Variants in CPQ observed in about 807,000 individuals in gnomAD.
CPQ encodes the protein Ser-Met dipeptidase.
Under a neutral mutation model 45.7 loss-of-function variants are expected in CPQ, and 37 were observed. The observed-to-expected ratio is 0.81, with a 90% CI of 0.62 to 1.07. The LOEUF is 1.07. Ranked by LOEUF, CPQ falls within the 50% of genes least tolerant of loss-of-function variation. CPQ has a pLI of 0.00. For synonymous variants in CPQ, 186 were observed against 205.8 expected, an observed-to-expected ratio of 0.90 and a Z score of 0.82; for missense variants, 537 against 572.9, an observed-to-expected ratio of 0.94 and a Z score of 0.64.
At chr8:97,106,392 C>G (rs1397386589) in intron 7 of CPQ, among the ~76,000 whole-genome samples, 1 of 152,212 alleles carries the variant, frequency 6.6e-6, no homozygotes, top group Non-Finnish European at 1.5e-5. Context: ...ACTTTGATCA[C>G]ACATCTGTTA....
intron 4 of CPQ, among the ~76,000 whole-genome samples, chr8:96,902,698 T>G (rs1174888167): frequency 1.3e-5 from 2 of 152,198 alleles, no homozygotes; most frequent in Non-Finnish European, 2.9e-5. Context: ...TTTCTGGCTC[T>G]TCTTGCCACT....
chr8:96,824,443 A>C (rs1481683414), intron 2 of CPQ, among the ~76,000 whole-genome samples: 1 of 152,050 alleles, frequency 6.6e-6, no homozygotes, highest in East Asian at 1.9e-4. Context: ...TAAATTGAAG[A>C]ATTATCACCT....
chr8:97,096,440 C>T (rs902622080), intron 7 of CPQ, among the ~76,000 whole-genome samples: 2 of 152,084 alleles, frequency 1.3e-5, no homozygotes, highest in Admixed American at 1.3e-4. Context: ...AACTTTATCT[C>T]CTAGAAAGGG....
At chr8:96,767,019 C>T (rs188984676) in intron 1 of CPQ, among the ~76,000 whole-genome samples, 217 of 152,280 alleles carry the variant, frequency 1.4e-3, no homozygotes, top group Non-Finnish European at 2.3e-3. Flanking sequence ...GCACAGCTGT[C>T]ACAACAAACT....
chr8:96,929,050 A>C (rs966577199), intron 4 of CPQ, among the ~76,000 whole-genome samples: 4 of 152,210 alleles, frequency 2.6e-5, no homozygotes, highest in Non-Finnish European at 5.9e-5. Flanking sequence ...TATTTTGCAC[A>C]TGACTTTCTA....
chr8:96,674,167 T>C lies in CPQ; in HGVS notation c.-35+28765T>C, dbSNP rs111646380. On this transcript the variant is annotated intron_variant, in intron 1 of 7. Coordinates refer to ENST00000220763, the MANE Select transcript of CPQ (RefSeq NM_016134.4). The stretch of plus-strand genomic sequence containing the variant: ...AATACCCAAAGCTGGCATTACAGCT[T>C]GGATTCTTCCCAGTGGAAAACCAAG... 2.6e-3 allele frequency among the ~76,000 whole-genome samples: 396 copies of C among 152,196 alleles called. 1 individual carries two copies. Among genetic ancestry groups the C allele is most frequent in the Non-Finnish European group, 4.4e-3 (301 of 68,012 alleles).
intron 7 of CPQ, among the ~76,000 whole-genome samples, chr8:97,121,639 T>C (rs1056662212): frequency 6.6e-6 from 1 of 152,030 alleles, no homozygotes; most frequent in African/African-American, 2.4e-5. Flanking sequence ...ACTAGACATG[T>C]AAAGAAGCAA....
intron 7 of CPQ, among the ~76,000 whole-genome samples, chr8:97,117,133 C>T (rs1472108488): frequency 6.6e-6 from 1 of 152,146 alleles, no homozygotes; most frequent in East Asian, 1.9e-4. Flanking sequence ...TTATATTTGT[C>T]TTTGGGCTGG....
intron 4 of CPQ, among the ~76,000 whole-genome samples, chr8:96,955,656 G>A (rs1813344700): frequency 6.6e-6 from 1 of 152,120 alleles, no homozygotes; most frequent in Admixed American, 6.6e-5. Flanking sequence ...AAACAGCATG[G>A]TACTGGTACC....
intron 1 of CPQ, among the ~76,000 whole-genome samples, chr8:96,653,072 C>T (rs1815596832): frequency 6.6e-6 from 1 of 152,172 alleles, no homozygotes; most frequent in African/African-American, 2.4e-5. Flanking sequence ...ACTGGGACTA[C>T]AGGTGTGCCA....
chr8:96,711,403 C>T (rs115402340), intron 1 of CPQ, among the ~76,000 whole-genome samples: 3,146 of 152,052 alleles, frequency 0.021, 122 homozygotes, highest in African/African-American at 0.072. Context: ...CTCCACTGTG[C>T]GGTTGTTTTA....
intron 6 of CPQ, among the ~76,000 whole-genome samples, chr8:97,058,469 T>G (rs1810491591): frequency 6.6e-6 from 1 of 152,124 alleles, no homozygotes; most frequent in Non-Finnish European, 1.5e-5. Context: ...GTTGGTTTAT[T>G]TAGCATGTCA....
intron 5 of CPQ, among the ~76,000 whole-genome samples, chr8:97,014,272 T>C (rs189893584): frequency 1.2e-3 from 189 of 152,328 alleles, no homozygotes; most frequent in Non-Finnish European, 2.0e-3. Flanking sequence ...GATTTTCCTT[T>C]AGCAAGAGTA....
At chr8:96,824,120 A>G (rs1037669489) in intron 2 of CPQ, among the ~76,000 whole-genome samples, 1 of 152,060 alleles carries the variant, frequency 6.6e-6, no homozygotes, top group Non-Finnish European at 1.5e-5. Context: ...GATAAAATGT[A>G]TGGATGAATA....
At chr8:96,686,514 T>G (rs1809229829) in intron 1 of CPQ, among the ~76,000 whole-genome samples, 1 of 152,018 alleles carries the variant, frequency 6.6e-6, no homozygotes, top group Non-Finnish European at 1.5e-5. Flanking sequence ...AGATTTATTG[T>G]TATACATTAT....
Position 96,835,181 on chromosome 8 carries a change from G to T in CPQ, c.641+1G>T, listed in dbSNP as rs769985566. 55 of 1,460,186 alleles carry T rather than the reference G, an allele frequency of 3.8e-5. No homozygotes were observed. The highest frequency in any genetic ancestry group is 4.6e-5 in the Non-Finnish European group (50 of 1,098,820). 90.5% of individuals were successfully genotyped at this position (1,460,186 alleles called of 1,614,324 possible). A position where few individuals can be genotyped will look rare whatever the true frequency, so the allele number is the denominator to read the frequency against. On this transcript the variant is annotated splice_donor_variant, in intron 3 of 7. Transcript: ENST00000220763. LOFTEE classifies it high-confidence loss of function. ...CCGTGGCCTCCTTCTCCATCTACAG[G>T]TTTGTCACAATGTTCATTTGAATTC...
At chr8:96,704,402 G>T (rs1462411310) in intron 1 of CPQ, among the ~76,000 whole-genome samples, 1 of 152,128 alleles carries the variant, frequency 6.6e-6, no homozygotes, top group African/African-American at 2.4e-5. Flanking sequence ...TTTAATTATA[G>T]TTATGGTAAT....
chr8:96,654,882 CCTTAAAT>C (rs1815620727), intron 1 of CPQ, among the ~76,000 whole-genome samples: 1 of 151,604 alleles, frequency 6.6e-6, no homozygotes, highest in Non-Finnish European at 1.5e-5. Flanking sequence ...TGCCTTCCTA[CCTTAAAT>C]CTTGGTGCTC....
At chr8:96,662,877 A>G (rs1808850675) in intron 1 of CPQ, among the ~76,000 whole-genome samples, 1 of 152,120 alleles carries the variant, frequency 6.6e-6, no homozygotes, top group Non-Finnish European at 1.5e-5. Flanking sequence ...GGTCCCAGCT[A>G]CTTGAGAGGC....
Sources: allele counts gnomAD v4.1 joint callset (sites outside exome capture counted in the v4.1 genomes callset), GRCh38; gene constraint gnomAD v4.1.1; transcripts MANE v1.5; gene names NCBI Gene and HGNC (gene_info 2026-07-23, HGNC 2026-07-21).